NIPAL2: variants seen among roughly 807,000 people sequenced by gnomAD.
NIPAL2 encodes the protein NIPA like domain containing 2.
In NIPAL2, 43 loss-of-function variants were observed where a neutral mutation model predicts 48.9. The observed-to-expected ratio is 0.88, with a 90% confidence interval of 0.69 to 1.13. The LOEUF (loss-of-function observed/expected upper bound fraction) is 1.13, where lower values mean the gene tolerates loss of function less well. NIPAL2 is among the 50% of genes most tolerant of loss of function. The probability of loss-of-function intolerance (pLI) is 0.00; values close to 1 mark genes in which losing one functional copy is unlikely to be tolerated. For synonymous variants in NIPAL2, 167 were observed against 174.6 expected, an observed-to-expected ratio of 0.96 and a Z score of 0.34; for missense variants, 446 against 461.4, an observed-to-expected ratio of 0.97 and a Z score of 0.31.
intron 10 of NIPAL2, chr8:98,193,457 C>T (rs1563477390): frequency 6.3e-7 from 1 of 1,597,368 alleles, no homozygotes; most frequent in Non-Finnish European, 8.6e-7. Flanking sequence ...GAAAAATAGC[C>T]TTTGATAGTG....
chr8:98,293,546 G>T (rs1816602806), intron 1 of NIPAL2, among the ~76,000 whole-genome samples: 1 of 152,254 alleles, frequency 6.6e-6, no homozygotes, highest in African/African-American at 2.4e-5. Flanking sequence ...TCTGCGCGAG[G>T]TGACATTAGG....
intron 6 of NIPAL2, among the ~76,000 whole-genome samples, chr8:98,210,894 T>C (rs1811277307): frequency 6.6e-6 from 1 of 152,214 alleles, no homozygotes; most frequent in African/African-American, 2.4e-5. Flanking sequence ...TACCTTGTTT[T>C]AGATGAAAAT....
At chr8:98,256,878 A>G (rs1026036907) in intron 1 of NIPAL2, among the ~76,000 whole-genome samples, 2 of 152,250 alleles carry the variant, frequency 1.3e-5, no homozygotes, top group Non-Finnish European at 2.9e-5. Context: ...ATTATTCATA[A>G]TAGCCAAAAG....
Position 98,294,023 on chromosome 8 carries a change from C to A in NIPAL2, c.115G>T (p.Asp39Tyr). The change falls in exon 1 of 11, where the codon GAC becomes TAC. Residue 39 changes from aspartate (D) to tyrosine (Y), a missense_variant. Coordinates refer to ENST00000430223, the MANE Select transcript of NIPAL2 (RefSeq NM_001321635.2). ...CTTACCTGGTTCCTGCGGTACCAGT[C>A]GCCCGAGAGGGAGCCGTTGCCGGCG... ...PGAGNGSLSG[D>Y]WYRRNQIHLF... The A allele has an allele frequency of 6.7e-7, 1 of 1,494,412 alleles. No individual in the cohort carries two copies. Among genetic ancestry groups the A allele is most frequent in the South Asian group, 1.3e-5 (1 of 78,598 alleles). The allele number at this position is 1,494,412 out of a possible 1,614,324, so 92.6% of individuals were successfully genotyped here.
chr8:98,266,986 C>A (rs1814806769), intron 1 of NIPAL2, among the ~76,000 whole-genome samples: 1 of 151,050 alleles, frequency 6.6e-6, no homozygotes, highest in South Asian at 2.1e-4. Flanking sequence ...AAAAAAAAAA[C>A]TGCCAACCTG....
intron 1 of NIPAL2, among the ~76,000 whole-genome samples, chr8:98,286,830 A>AAC (rs1554579723): frequency 3.1e-4 from 39 of 127,570 alleles, no homozygotes; most frequent in African/African-American, 9.7e-4. Context: ...AAAAAAAAAA[A>AAC]AAAACCAAAA....
intron 1 of NIPAL2, 46 bp downstream of exon 1, chr8:98,293,957 T>A (rs1482379669): frequency 7.3e-7 from 1 of 1,375,394 alleles, no homozygotes; most frequent in Non-Finnish European, 9.4e-7. Context: ...CCAGCCGCCC[T>A]GGCCGCGTCC....
intron 5 of NIPAL2, among the ~76,000 whole-genome samples, chr8:98,221,245 G>A (rs967115304): frequency 4.6e-5 from 7 of 151,666 alleles, no homozygotes; most frequent in African/African-American, 1.7e-4. Context: ...CAAAGTGCTG[G>A]GATTACGGGC....
Position 98,271,884 on chromosome 8 carries a change from GT to G in NIPAL2, c.136-17798del, listed in dbSNP as rs535594385. 7.0e-3 allele frequency among the ~76,000 whole-genome samples: 994 copies of G among 141,750 alleles called. 8 individuals carry two copies. The highest frequency in any genetic ancestry group is 0.021 in the South Asian group (93 of 4,430). The allele number at this position is 141,750 out of a possible 152,430, so 93.0% of individuals were successfully genotyped here. ...TCCTTTGGTGCCTAGTTTGTTGAGA[GT>G]TTTTTTTTTTTGTCATGAAATGATG... On this transcript the variant is annotated intron_variant, in intron 1 of 10. Transcript: ENST00000430223.
At chr8:98,221,227 C>T (rs992089601) in intron 5 of NIPAL2, among the ~76,000 whole-genome samples, 78 of 151,896 alleles carry the variant, frequency 5.1e-4, no homozygotes, top group African/African-American at 1.8e-3. Flanking sequence ...CTGCCCGCCT[C>T]GGCCTCCCAA....
intron 1 of NIPAL2, among the ~76,000 whole-genome samples, chr8:98,262,588 A>T (rs1814422509): frequency 6.6e-6 from 1 of 150,568 alleles, no homozygotes; most frequent in Non-Finnish European, 1.5e-5. Flanking sequence ...ACTATCCTAA[A>T]TATATATGCA....
At chr8:98,197,996 T>C (rs1394046779) in intron 8 of NIPAL2, among the ~76,000 whole-genome samples, 1 of 152,226 alleles carries the variant, frequency 6.6e-6, no homozygotes, top group African/African-American at 2.4e-5. Context: ...CAGAAAGTTT[T>C]CAATTTACTT....
At chr8:98,216,746 C>A (rs1811596501) in intron 5 of NIPAL2, among the ~76,000 whole-genome samples, 1 of 152,158 alleles carries the variant, frequency 6.6e-6, no homozygotes, top group African/African-American at 2.4e-5. Flanking sequence ...TTTGAATAAT[C>A]TTTTGGAAAA....
intron 6 of NIPAL2, among the ~76,000 whole-genome samples, chr8:98,208,131 C>A (rs1173969857): frequency 1.3e-5 from 2 of 152,160 alleles, no homozygotes; most frequent in African/African-American, 2.4e-5. Context: ...TGCTCAATTG[C>A]ACAGATTTTT....
At chr8:98,221,251 C>T (rs1012111832) in intron 5 of NIPAL2, among the ~76,000 whole-genome samples, 3 of 151,932 alleles carry the variant, frequency 2.0e-5, no homozygotes, top group Non-Finnish European at 2.9e-5. Flanking sequence ...GCTGGGATTA[C>T]GGGCGTGAGC....
chr8:98,211,802 G>A (rs1169061886), intron 6 of NIPAL2, among the ~76,000 whole-genome samples: 2 of 151,264 alleles, frequency 1.3e-5, no homozygotes, highest in African/African-American at 4.9e-5. Flanking sequence ...GAGAAAGAAA[G>A]AGACAGGGAC....
Position 98,212,492 on chromosome 8 carries a change from T to A in NIPAL2, c.568A>T (p.Ile190Leu), listed in dbSNP as rs1811366477. 1 of 1,408,120 alleles carries A rather than the reference T, an allele frequency of 7.1e-7. No homozygotes were observed. Among genetic ancestry groups the A allele is most frequent in the African/African-American group, 1.4e-5 (1 of 70,780 alleles). 87.2% of individuals were successfully genotyped at this position (1,408,120 alleles called of 1,614,324 possible). Residue 190 changes from isoleucine to leucine, a missense_variant, in exon 6 of 11, where the codon ATA (isoleucine) becomes TTA (leucine). Transcript: ENST00000430223. ...TACAGGAGAATGCAGAAAATTAATA[T>A]TTCTAAAATCTAGAAATGAAAAAGA... ...WQFLIYVILEILIFCILLYFY... is the reference protein window; with the variant it reads ...WQFLIYVILELLIFCILLYFY...
chr8:98,192,876 C>T lies in NIPAL2; in HGVS notation c.*102G>A. On this transcript the variant is annotated 3_prime_UTR_variant, in exon 11 of 11. Coordinates refer to ENST00000430223, the MANE Select transcript of NIPAL2 (RefSeq NM_001321635.2). Reference sequence around the variant, plus strand: ...GGGAAAGGACTGAAATGAATGCTAGCACATGTTAGCTTATAAAAGAGCTGC... The same window carrying T: ...GGGAAAGGACTGAAATGAATGCTAGTACATGTTAGCTTATAAAAGAGCTGC... 4 of 729,290 alleles carry T rather than the reference C, an allele frequency of 5.5e-6. No homozygotes were observed. The South Asian group carries it at 6.1e-5, about 11-fold the overall frequency. 45.2% of individuals were successfully genotyped at this position (729,290 alleles called of 1,614,324 possible).
chr8:98,278,916 C>G (rs955466804), intron 1 of NIPAL2, among the ~76,000 whole-genome samples: 1 of 152,002 alleles, frequency 6.6e-6, no homozygotes, highest in Non-Finnish European at 1.5e-5. Flanking sequence ...GTTCAGATTT[C>G]AACAATTAAA....
Sources: gnomAD v4.1 joint callset for allele counts (sites outside exome capture counted in the v4.1 genomes callset) on GRCh38, gnomAD v4.1.1 for gene constraint, MANE v1.5 for transcripts, NCBI Gene and HGNC (gene_info 2026-07-23, HGNC 2026-07-21) for gene names.